Variants in UBASH3A observed in about 807,000 individuals in gnomAD.
UBASH3A encodes the protein ubiquitin-associated and SH3 domain-containing protein A.
In UBASH3A, 63 loss-of-function variants were observed where a neutral mutation model predicts 73.5. That is an observed-to-expected ratio of 0.86 (90% CI 0.70 to 1.06). UBASH3A has a LOEUF of 1.06. UBASH3A is among the 50% of genes least tolerant of loss of function. UBASH3A has a pLI of 0.00. For synonymous variants in UBASH3A, 363 were observed against 351.1 expected (o/e 1.03, Z -0.38); for missense variants, 860 against 859.0 (o/e 1.00, Z -0.02).
At chr21:42,433,847 G>A (rs1310294849) in intron 9 of UBASH3A, among the ~76,000 whole-genome samples, 1 of 152,126 alleles carries the variant, frequency 6.6e-6, no homozygotes. Flanking sequence ...CTCTGGGTTT[G>A]TGCAAGGCTG....
rs61733938 is a variant in UBASH3A at position 42,413,101 on chromosome 21, G to T, written c.432G>T (p.Thr144=). ...AGDRLLGSFP[T]AVPLALHSSI... ...ACAGGCTCCTGGGCTCCTTCCCCAC[G>T]GCCGTGCCTCTGGCTCTCCACTCCT... The change falls in exon 4 of 15, where the codon ACG becomes ACT. Residue 144 remains threonine (T), a synonymous_variant. Transcript: ENST00000319294. This position sits in a 1 kb window ranked among gnomAD's most constrained non-coding sequence, Gnocchi z 4.5. The T allele has an allele frequency of 1.0e-3, 1,664 of 1,614,192 alleles. 12 individuals are homozygous for T. In the African/African-American group the frequency reaches 0.016, roughly 16 times the overall value.
At chr21:42,416,909 G>C (rs1481655723) in intron 6 of UBASH3A, among the ~76,000 whole-genome samples, 1 of 152,086 alleles carries the variant, frequency 6.6e-6, no homozygotes, top group East Asian at 1.9e-4. Flanking sequence ...CTCCAGCCTG[G>C]GCTACAGAGC....
chr21:42,444,766 G>A (rs766588422), intron 14 of UBASH3A, 123 bp downstream of exon 14: 22 of 790,810 alleles, frequency 2.8e-5, no homozygotes, highest in African/African-American at 5.1e-5. Flanking sequence ...CAGGATCCAC[G>A]TGCCCCCGGA....
At position 42,424,374 on chromosome 21, in the gene UBASH3A, G is replaced by A. The variant is rs8132131; in HGVS notation, c.1047-2323G>A. ...TATAATGACCCCAGCCTCAGCCTCC[G>A]TGCCAGACGGTGCAGGGATTCTTTG... On this transcript the variant is annotated intron_variant, in intron 7 of 14. Transcript: ENST00000319294. 1.4e-3 allele frequency among the ~76,000 whole-genome samples: 210 copies of A among 152,304 alleles called. 12 individuals are homozygous for A. The South Asian group carries it at 0.042, about 30-fold the overall frequency.
intron 12 of UBASH3A, 98 bp from the exon 13 acceptor site, chr21:42,443,213 TC>T: frequency 6.9e-7 from 1 of 1,449,210 alleles, no homozygotes; most frequent in Non-Finnish European, 9.1e-7. Flanking sequence ...GGCAGAGCCA[TC>T]CTGGAAGAAC....
intron 1 of UBASH3A, among the ~76,000 whole-genome samples, chr21:42,405,410 G>C (rs7283281): frequency 0.49 from 74,936 of 151,964 alleles, 18,777 homozygotes; most frequent in African/African-American, 0.52. Flanking sequence ...ACTACTAAAC[G>C]TATAGCATGG....
intron 8 of UBASH3A, among the ~76,000 whole-genome samples, chr21:42,429,891 A>G (rs1161557639): frequency 6.6e-6 from 1 of 152,192 alleles, no homozygotes; most frequent in Non-Finnish European, 1.5e-5. Flanking sequence ...AAGTGTTTGC[A>G]TGGTGACTGC....
At chr21:42,428,937 G>T (rs1461941902) in intron 8 of UBASH3A, among the ~76,000 whole-genome samples, 2 of 152,132 alleles carry the variant, frequency 1.3e-5, no homozygotes, top group East Asian at 3.9e-4. Context: ...GGGAACTTGT[G>T]CATGTGACCT....
At chr21:42,405,239 G>C (rs2052943978) in intron 1 of UBASH3A, among the ~76,000 whole-genome samples, 1 of 152,122 alleles carries the variant, frequency 6.6e-6, no homozygotes, top group Non-Finnish European at 1.5e-5. Context: ...GCATGTGCAG[G>C]GCGGCCACCG....
At chr21:42,420,008 C>T (rs1430505862) in intron 7 of UBASH3A, among the ~76,000 whole-genome samples, 1 of 152,094 alleles carries the variant, frequency 6.6e-6, no homozygotes. Context: ...GAACATAACC[C>T]CATCTGAAGT....
chr21:42,415,787 T>C (rs917728167), intron 5 of UBASH3A, among the ~76,000 whole-genome samples: 13 of 152,162 alleles, frequency 8.5e-5, no homozygotes, highest in African/African-American at 3.1e-4. Context: ...CCAAAGTTTG[T>C]GTTGTTCCCG....
At chr21:42,434,350 A>G (rs1035847229) in intron 9 of UBASH3A, among the ~76,000 whole-genome samples, 1 of 14,270 alleles carries the variant, frequency 7.0e-5, no homozygotes, top group Non-Finnish European at 2.1e-4. Context: ...CAGTGAGCCC[A>G]CTTCCAGCCT....
In UBASH3A at chr21:42,443,354, C is replaced by T. The variant is rs1310155613; in HGVS notation, c.1674C>T (p.Tyr558=). ...CCGCCCTCATGCCGGCCGAGAGCTA[C>T]CAGGAGTACATGGACAGGTGCACGG... ...PLSALMPAES[Y]QEYMDRCTAS... Residue 558 remains tyrosine, a synonymous_variant, in exon 13 of 15, where the codon TAC becomes TAT. Coordinates refer to ENST00000319294, the MANE Select transcript of UBASH3A (RefSeq NM_018961.4). 1 of 1,613,462 alleles carries T rather than the reference C, an allele frequency of 6.2e-7. No homozygotes were observed. Among genetic ancestry groups the T allele is most frequent in the Non-Finnish European group, 8.5e-7 (1 of 1,179,678 alleles).
Position 42,443,316 on chromosome 21 carries a change from G to A in UBASH3A, c.1636G>A (p.Ala546Thr), listed in dbSNP as rs1458954596. 10 of 1,612,480 alleles carry A rather than the reference G, an allele frequency of 6.2e-6. No homozygotes were observed. In the East Asian group the frequency reaches 6.7e-5, roughly 11 times the overall value. Reference sequence around the variant, plus strand: ...CTCTCCTTCTCATCCTTCCAGGCCCGCGTTTCCCCTGTCCGCCCTCATGCC... The same window carrying A: ...CTCTCCTTCTCATCCTTCCAGGCCCACGTTTCCCCTGTCCGCCCTCATGCC... ...NFNIDTDYRP[A>T]FPLSALMPAE... Residue 546 changes from alanine to threonine, a missense_variant, in exon 13 of 15, where the codon GCG (alanine) becomes ACG (threonine). Physicochemically the swap from Ala to Thr is moderately conservative, Grantham distance 58. Transcript: ENST00000319294.
chr21:42,432,453 C>T (rs921440756), intron 9 of UBASH3A, among the ~76,000 whole-genome samples: 1 of 135,234 alleles, frequency 7.4e-6, no homozygotes, highest in African/African-American at 3.2e-5. Context: ...GGCTATGCTG[C>T]TTAACAGATG....
chr21:42,411,711 G>A (rs117514017), intron 3 of UBASH3A, among the ~76,000 whole-genome samples: 2,802 of 152,308 alleles, frequency 0.018, 40 homozygotes, highest in Middle Eastern at 0.041. Context: ...AGAGTGTAAC[G>A]GAGACTCACT....
intron 14 of UBASH3A, 76 bp downstream of exon 14, chr21:42,444,719 C>T (rs1404473642): frequency 1.4e-5 from 17 of 1,221,034 alleles, no homozygotes; most frequent in African/African-American, 8.9e-5. Flanking sequence ...ATCCACTTCT[C>T]GGAATGAAAA....
Position 42,436,981 on chromosome 21 carries a change from G to A in UBASH3A, c.1394-507G>A, listed in dbSNP as rs1440197400. On this transcript the variant is annotated intron_variant, in intron 10 of 14. Transcript: ENST00000319294. ...CTGCTGGGCTGAGTTTTCATTGGGAGCTCAAGTCTCCTTCCAGACTCATTC... is the reference window on the plus strand; with the variant it reads ...CTGCTGGGCTGAGTTTTCATTGGGAACTCAAGTCTCCTTCCAGACTCATTC... Among the ~76,000 whole-genome samples the A allele has an allele frequency of 2.6e-5, 4 of 152,346 alleles. No homozygotes were observed. The East Asian group carries it at 7.7e-4, about 29-fold the overall frequency.
chr21:42,445,751 G>C (rs543769454), intron 14 of UBASH3A, among the ~76,000 whole-genome samples: 17 of 152,298 alleles, frequency 1.1e-4, no homozygotes, highest in African/African-American at 4.1e-4. Flanking sequence ...CCTGCAAAAT[G>C]TCTCCAGGGT....
Sources: allele counts gnomAD v4.1 joint callset (sites outside exome capture counted in the v4.1 genomes callset), GRCh38; gene constraint gnomAD v4.1.1; non-coding constraint Gnocchi (gnomAD v3.1); transcripts MANE v1.5; gene names NCBI Gene and HGNC (gene_info 2026-07-23, HGNC 2026-07-21).